The following MYH11 variants were observed in gnomAD, a reference collection of about 807,000 sequenced individuals.
The protein encoded by MYH11 is myosin-11.
In MYH11, 80 loss-of-function variants were observed where a neutral mutation model predicts 246.6. The observed-to-expected ratio is 0.32, with a 90% confidence interval of 0.27 to 0.39. MYH11 has a LOEUF of 0.39. MYH11 is among the 10% of genes least tolerant of loss of function. The probability of loss-of-function intolerance (pLI) is 1.00; values close to 1 mark genes in which losing one functional copy is unlikely to be tolerated. For missense variants in MYH11, 2,158 were observed against 2,546.8 expected (o/e 0.85, Z 3.29); for synonymous variants, 1,071 against 1,015.5 (o/e 1.05, Z -1.04).
At position 15,753,526 on chromosome 16, in the gene MYH11, C is replaced by T; in HGVS notation, c.1750-18G>A. On this transcript the variant is annotated intron_variant, in intron 14 of 40. Transcript: ENST00000300036. ...TAGTCCACCTGCCAAGGACACCCTG[C>T]TGGTCAGAACCCCTGGGAAACTAGA... 1 of 1,594,830 alleles carries T rather than the reference C, an allele frequency of 6.3e-7. No individual in the cohort carries two copies. The highest frequency in any genetic ancestry group is 8.6e-7 in the Non-Finnish European group (1 of 1,162,486).
Position 15,724,923 on chromosome 16 carries a change from C to T in MYH11, c.3928G>A (p.Val1310Met), listed in dbSNP as rs7196804. The T allele has an allele frequency of 6.9e-4, 1,121 of 1,614,162 alleles. 2 individuals are homozygous for T. The highest frequency in any genetic ancestry group is 5.7e-3 in the African/African-American group (428 of 75,056). ...EGKAIKLAKD[V>M]ASLSSQLQDT... ...TGGAGCTGGGAACTGAGGGACGCCA[C>T]GTCCTTGGCCAGCTTAATGGCCTTC... Residue 1310 changes from valine (V) to methionine (M), a missense_variant, in exon 29 of 41, where the codon GTG becomes ATG. Coordinates refer to ENST00000300036, the MANE Select transcript of MYH11 (RefSeq NM_002474.3).
chr16:15,772,211 C>A (rs914611781), intron 8 of MYH11, among the ~76,000 whole-genome samples: 3 of 149,530 alleles, frequency 2.0e-5, no homozygotes, highest in African/African-American at 4.9e-5. Context: ...CCTGCCTCAA[C>A]CTCCTGAGTA....
intron 3 of MYH11, among the ~76,000 whole-genome samples, chr16:15,809,764 A>C (rs2043096219): frequency 6.6e-6 from 1 of 151,868 alleles, no homozygotes. Flanking sequence ...CTCTACAAAA[A>C]ATACAAAAAT....
chr16:15,732,370 G>C, intron 27 of MYH11, 194 bp downstream of exon 27: 1 of 789,698 alleles, frequency 1.3e-6, no homozygotes, highest in Non-Finnish European at 2.1e-6. Flanking sequence ...CAAGTACTGG[G>C]ATTACAGGCG....
chr16:15,771,711 A>G lies in MYH11; in HGVS notation c.891T>C (p.Ser297=). The G allele has an allele frequency of 5.0e-6, 8 of 1,614,160 alleles. No homozygotes were observed. Among genetic ancestry groups the G allele is most frequent in the Non-Finnish European group, 5.9e-6 (7 of 1,180,028 alleles). The change falls in exon 9 of 41, where the codon AGT becomes AGC. Residue 297 remains serine (S), a splice_region_variant and synonymous_variant. Transcript: ENST00000300036. The part of the protein sequence containing the change: ...MIAGAKEKMR[S]DLLLEGFNNY... ...TGTTGAAGCCCTCCAAAAGCAAGTC[A>G]CCTAGAAGGAGAGGAAGACAGGTCA...
At chr16:15,772,690 C>A (rs1337055735) in intron 8 of MYH11, among the ~76,000 whole-genome samples, 3 of 152,150 alleles carry the variant, frequency 2.0e-5, no homozygotes, top group Non-Finnish European at 4.4e-5. Context: ...TAGACCAGTA[C>A]CGGTCCATGT....
At chr16:15,724,122 C>T (rs369008754) in intron 31 of MYH11, 39 bp downstream of exon 31, 97 of 1,610,952 alleles carry the variant, frequency 6.0e-5, no homozygotes, top group Non-Finnish European at 7.9e-5. Flanking sequence ...CCCAACCCAG[C>T]GTCCATGGCC....
At position 15,833,385 on chromosome 16, in the gene MYH11, GAGGAAGGA is replaced by G. The variant is rs1234885453; in HGVS notation, c.345+4515_345+4522del. ...AGAAAGAGAGAGGGAGGGAGGGAGG[GAGGAAGGA>G]AGGAAGGAAGGAAGGAAGGGAGGAA... On this transcript the variant is annotated intron_variant, in intron 2 of 40. Transcript: ENST00000300036. Among the ~76,000 whole-genome samples the G allele has an allele frequency of 7.2e-5, 8 of 110,608 alleles. No individual in the cohort carries two copies. In the East Asian group the frequency reaches 1.6e-3, roughly 23 times the overall value. The allele number at this position is 110,608 out of a possible 152,430, so 72.6% of individuals were successfully genotyped here.
intron 14 of MYH11, among the ~76,000 whole-genome samples, chr16:15,755,247 A>G (rs1002647659): frequency 6.6e-6 from 1 of 151,960 alleles, no homozygotes; most frequent in African/African-American, 2.4e-5. Flanking sequence ...ATTATCCAGG[A>G]CTCTTGAGAG....
rs71134466 is a variant in MYH11 at position 15,812,551 on chromosome 16, T to TAAAAAAAA, written c.502+10696_502+10703dup. Among the ~76,000 whole-genome samples the TAAAAAAAA allele has an allele frequency of 5.2e-3, 194 of 37,420 alleles. 2 individuals carry two copies. Among genetic ancestry groups the TAAAAAAAA allele is most frequent in the Non-Finnish European group, 6.9e-3 (155 of 22,532 alleles). 24.5% of individuals were successfully genotyped at this position (37,420 alleles called of 152,430 possible). On this transcript the variant is annotated intron_variant, in intron 3 of 40. Coordinates refer to ENST00000300036, the MANE Select transcript of MYH11 (RefSeq NM_002474.3). ...GGGCAACACAGTAAGATCTTATCTC[T>TAAAAAAAA]AAAAAAAAAAAAAAAAAAAAAAAAA...
At position 15,825,989 on chromosome 16, in the gene MYH11, C is replaced by A. The variant is rs910951816; in HGVS notation, c.346-2578G>T. Among the ~76,000 whole-genome samples, 10 of 152,180 alleles carry A rather than the reference C, an allele frequency of 6.6e-5. No homozygotes were observed. In the South Asian group the frequency reaches 1.2e-3, roughly 19 times the overall value. On this transcript the variant is annotated intron_variant, in intron 2 of 40. Coordinates refer to ENST00000300036, the MANE Select transcript of MYH11 (RefSeq NM_002474.3). Reference sequence around the variant, plus strand: ...ATCTCTCAGTTACAGCTAGGGTGAACCAAGCAACAGAGGGTTAAGTGACTT... The same window carrying A: ...ATCTCTCAGTTACAGCTAGGGTGAAACAAGCAACAGAGGGTTAAGTGACTT...
At chr16:15,736,642 G>T (rs1210531329) in intron 25 of MYH11, among the ~76,000 whole-genome samples, 1 of 152,156 alleles carries the variant, frequency 6.6e-6, no homozygotes, top group African/African-American at 2.4e-5. Context: ...CCGTAGCACT[G>T]TCAACATAGC....
At chr16:15,764,050 C>A (rs1258651338) in intron 9 of MYH11, among the ~76,000 whole-genome samples, 159 bp from the exon 10 acceptor site, 1 of 152,130 alleles carries the variant, frequency 6.6e-6, no homozygotes, top group Non-Finnish European at 1.5e-5. Flanking sequence ...TTGCTTAAAA[C>A]CTTGCATTAC....
At chr16:15,714,643 T>C (rs1459269972) in intron 40 of MYH11, 1 of 578,004 alleles carries the variant, frequency 1.7e-6, no homozygotes, top group Non-Finnish European at 3.1e-6. Context: ...AGCCTCTTCC[T>C]CCTCCTCAGC....
chr16:15,760,512 G>T, intron 11 of MYH11, 28 bp downstream of exon 11: 1 of 1,505,388 alleles, frequency 6.6e-7, no homozygotes, highest in Non-Finnish European at 9.3e-7. Context: ...TGGGTGCATG[G>T]ATGGATAAGT....
chr16:15,751,775 G>A (rs1273176920), intron 15 of MYH11, among the ~76,000 whole-genome samples: 1 of 151,310 alleles, frequency 6.6e-6, no homozygotes, highest in African/African-American at 2.4e-5. Context: ...AGCACACCCG[G>A]CTAATTTTGT....
chr16:15,748,134 T>A lies in MYH11; in HGVS notation c.2093A>T (p.Gln698Leu). The stretch of plus-strand genomic sequence containing the variant: ...TTCCAGCACCCCATTGCACCGCAGC[T>A]GCTCCAGCACCAGGAACGCATCCAG... ...GKLDAFLVLE[Q>L]LRCNGVLEGI... is the part of the protein sequence containing the mutation. Residue 698 changes from glutamine (Q) to leucine (L), a missense_variant, in exon 17 of 41, where the codon CAG (glutamine) becomes CTG (leucine). By Grantham distance (113) the Gln-to-Leu change is moderately radical. This residue lies in a region of MYH11 where 317 missense variants were observed against 507.7 expected (regional missense o/e 0.62). Coordinates refer to ENST00000300036, the MANE Select transcript of MYH11 (RefSeq NM_002474.3). 6.2e-7 allele frequency: 1 copy of A among 1,614,064 alleles called. No individual in the cohort carries two copies. Among genetic ancestry groups the A allele is most frequent in the Non-Finnish European group, 8.5e-7 (1 of 1,180,030 alleles).
Position 15,813,851 on chromosome 16 carries a change from C to CAAA in MYH11, c.502+9401_502+9403dup, listed in dbSNP as rs34708718. On this transcript the variant is annotated intron_variant, in intron 3 of 40. Transcript: ENST00000300036. ...TCCACACAAAAGAGGGGGGAAAAGG[C>CAAA]AAAAAAAAAAAAGTGTAAAAAGGCC... Among the ~76,000 whole-genome samples, 1,225 of 141,978 alleles carry CAAA rather than the reference C, an allele frequency of 8.6e-3. 38 individuals carry two copies. The East Asian group carries it at 0.11, about 13-fold the overall frequency. 93.1% of individuals were successfully genotyped at this position (141,978 alleles called of 152,430 possible).
intron 9 of MYH11, among the ~76,000 whole-genome samples, chr16:15,765,872 T>C (rs1484265029): frequency 6.6e-6 from 1 of 152,214 alleles, no homozygotes; most frequent in Admixed American, 6.5e-5. Flanking sequence ...CACTCACAGT[T>C]TTAAAAGTGT....
Sources: gnomAD v4.1 joint callset for allele counts (sites outside exome capture counted in the v4.1 genomes callset) on GRCh38, gnomAD v4.1.1 for gene constraint, gnomAD v4.1.1 regional missense constraint, MANE v1.5 for transcripts, NCBI Gene and HGNC (gene_info 2026-07-23, HGNC 2026-07-21) for gene names.